IFT81: variants seen among roughly 807,000 people sequenced by gnomAD.
IFT81 encodes intraflagellar transport 81, also known as intraflagellar transport protein 81 homolog.
A neutral mutation model predicts 102.6 loss-of-function variants in IFT81; 72 were observed. The ratio of observed to expected loss-of-function variants is 0.70; its 90% CI spans 0.58 to 0.85. The LOEUF (loss-of-function observed/expected upper bound fraction) is 0.85, where lower values mean the gene tolerates loss of function less well. Among genes scored for constraint, IFT81 ranks in the 40% least tolerant of loss-of-function variants. The probability of loss-of-function intolerance (pLI) is 0.00; values close to 1 mark genes in which losing one functional copy is unlikely to be tolerated. For missense variants in IFT81, 723 were observed against 787.3 expected (o/e 0.92, Z 0.98); for synonymous variants, 237 against 242.7 (o/e 0.98, Z 0.22).
chr12:110,139,866 T>TAAAATAAATAAAATAAAATATAAAATAAA, intron 8 of IFT81, among the ~76,000 whole-genome samples: 1 of 130,080 alleles, frequency 7.7e-6, no homozygotes, highest in Middle Eastern at 3.8e-3. Context: ...TAAAATAAAA[T>TAAAATAAATAAAATAAAATATAAAATAAA]ATAAAATAAA....
chr12:110,161,488 G>T (rs913622367), intron 10 of IFT81, among the ~76,000 whole-genome samples: 10 of 150,880 alleles, frequency 6.6e-5, no homozygotes, highest in Non-Finnish European at 7.4e-5. Context: ...CTGTCACCCA[G>T]GCTGGAGTGT....
At position 110,172,668 on chromosome 12, in the gene IFT81, T is replaced by C. The variant is rs557435184; in HGVS notation, c.1189-7754T>C. On this transcript the variant is annotated intron_variant, in intron 11 of 18. Coordinates refer to ENST00000242591, the MANE Select transcript of IFT81 (RefSeq NM_014055.4). ...CCTCCGGAGGTGCCGGGATTGCAGA[T>C]GGTGTCTGGTTCACTCAGTGCTCAA... 7.0e-3 allele frequency among the ~76,000 whole-genome samples: 1,067 copies of C among 152,298 alleles called. 1 individual carries two copies. The highest frequency in any genetic ancestry group is 9.5e-3 in the Non-Finnish European group (643 of 68,016).
chr12:110,188,818 A>G (rs1401204332), intron 12 of IFT81, among the ~76,000 whole-genome samples: 1 of 151,246 alleles, frequency 6.6e-6, no homozygotes, highest in Non-Finnish European at 1.5e-5. Flanking sequence ...AATCCCAGCT[A>G]CTTGGGAGGC....
chr12:110,143,302 G>T (rs1895005986), intron 8 of IFT81, 80 bp from the exon 9 acceptor site: 7 of 832,412 alleles, frequency 8.4e-6, no homozygotes, highest in Non-Finnish European at 1.1e-5. Context: ...CCGTATCCAG[G>T]TCTTATATTT....
intron 11 of IFT81, among the ~76,000 whole-genome samples, chr12:110,167,233 C>A (rs1025966479): frequency 6.6e-6 from 1 of 152,096 alleles, no homozygotes; most frequent in African/African-American, 2.4e-5. Flanking sequence ...AGTACTTCCC[C>A]CCCATTGTAC....
chr12:110,145,134 G>A (rs1379267397), intron 9 of IFT81, among the ~76,000 whole-genome samples: 2 of 148,080 alleles, frequency 1.4e-5, no homozygotes, highest in Non-Finnish European at 3.0e-5. Flanking sequence ...CCAGGCTCAA[G>A]TGATCCTCCA....
At chr12:110,138,881 T>C (rs1465048216) in intron 8 of IFT81, among the ~76,000 whole-genome samples, 1 of 152,244 alleles carries the variant, frequency 6.6e-6, no homozygotes, top group Non-Finnish European at 1.5e-5. Flanking sequence ...GTATTTAATT[T>C]ACCCAGGATT....
In IFT81 at chr12:110,134,964, A is replaced by G. The variant is rs1367564667; in HGVS notation, c.536A>G (p.Glu179Gly). The change falls in exon 6 of 19, where the codon GAA becomes GGA. Residue 179 changes from glutamate to glycine, a missense_variant. Glu to Gly is a moderately conservative substitution (Grantham distance 98). Transcript: ENST00000242591. ...AEIRKDISAMEEEKDQLIKRV... is the reference protein window; with the variant it reads ...AEIRKDISAMGEEKDQLIKRV... ...ACTTTTTAGGATATCAGTGCAATGG[A>G]AGAAGAAAAGGATCAGCTCATTAAG... 6.2e-7 allele frequency: 1 copy of G among 1,611,354 alleles called. No homozygotes were observed. The highest frequency in any genetic ancestry group is 8.5e-7 in the Non-Finnish European group (1 of 1,179,144).
intron 10 of IFT81, among the ~76,000 whole-genome samples, chr12:110,155,641 A>C (rs577819978): frequency 3.9e-4 from 60 of 152,282 alleles, no homozygotes; most frequent in African/African-American, 1.4e-3. Context: ...CCATTCTGCC[A>C]ATCACTGTCT....
intron 14 of IFT81, among the ~76,000 whole-genome samples, chr12:110,200,209 A>G (rs1383762525): frequency 2.0e-5 from 3 of 152,246 alleles, no homozygotes; most frequent in African/African-American, 7.2e-5. Flanking sequence ...TAAGAAATGC[A>G]TAATTGAGTG....
At chr12:110,169,490 A>G (rs759355744) in intron 11 of IFT81, among the ~76,000 whole-genome samples, 3 of 152,152 alleles carry the variant, frequency 2.0e-5, no homozygotes, top group East Asian at 1.9e-4. Flanking sequence ...AGAAAGCCAA[A>G]TTAGGACCAA....
At chr12:110,147,497 G>C (rs988794029) in intron 10 of IFT81, among the ~76,000 whole-genome samples, 4 of 152,140 alleles carry the variant, frequency 2.6e-5, no homozygotes. Flanking sequence ...TTGTCACTTA[G>C]TTTTTGAGGG....
chr12:110,142,419 G>A (rs943632703), intron 8 of IFT81, among the ~76,000 whole-genome samples: 2 of 151,702 alleles, frequency 1.3e-5, no homozygotes, highest in Non-Finnish European at 2.9e-5. Context: ...CACCCACCTC[G>A]GCCTCCCAAA....
At chr12:110,203,832 A>T in intron 14 of IFT81, 32 bp from the exon 15 acceptor site, 2 of 1,440,782 alleles carry the variant, frequency 1.4e-6, no homozygotes, top group Non-Finnish European at 9.8e-7. Flanking sequence ...TTTGTTTTTC[A>T]CTTATTCAAT....
intron 11 of IFT81, among the ~76,000 whole-genome samples, chr12:110,178,230 A>G (rs1197709114): frequency 6.6e-6 from 1 of 152,192 alleles, no homozygotes; most frequent in South Asian, 2.1e-4. Context: ...CCTGGCCAAC[A>G]TGGTGAAACC....
intron 11 of IFT81, among the ~76,000 whole-genome samples, chr12:110,178,422 A>C (rs374999336): frequency 2.0e-5 from 3 of 151,636 alleles, no homozygotes; most frequent in Non-Finnish European, 2.9e-5. Context: ...CTCAAAAAAA[A>C]AAAAAAAAGA....
intron 8 of IFT81, among the ~76,000 whole-genome samples, chr12:110,138,178 G>T (rs1229038811): frequency 6.6e-6 from 1 of 152,202 alleles, no homozygotes; most frequent in Non-Finnish European, 1.5e-5. Flanking sequence ...GGAGCAGGAG[G>T]TTAAGGAGTT....
chr12:110,135,495 C>A, intron 7 of IFT81, 58 bp downstream of exon 7: 1 of 997,164 alleles, frequency 1.0e-6, no homozygotes, highest in Non-Finnish European at 1.5e-6. Flanking sequence ...TCTCATAATC[C>A]AAATGTAAAG....
At chr12:110,130,229 A>C (rs1894082257) in intron 4 of IFT81, among the ~76,000 whole-genome samples, 1 of 152,176 alleles carries the variant, frequency 6.6e-6, no homozygotes, top group Non-Finnish European at 1.5e-5. Flanking sequence ...GCAGAATGAG[A>C]CCACCTGTCC....
Sources: gnomAD v4.1 joint callset for allele counts (sites outside exome capture counted in the v4.1 genomes callset) on GRCh38, gnomAD v4.1.1 for gene constraint, MANE v1.5 for transcripts, NCBI Gene and HGNC (gene_info 2026-07-23, HGNC 2026-07-21) for gene names.